DNAH8: variants seen among roughly 807,000 people sequenced by gnomAD.
DNAH8 encodes the protein dynein axonemal heavy chain 8.
A neutral mutation model predicts 562.1 loss-of-function variants in DNAH8; 382 were observed. The ratio of observed to expected loss-of-function variants is 0.68; its 90% CI spans 0.63 to 0.74. The LOEUF (loss-of-function observed/expected upper bound fraction) is 0.74. Among genes scored for constraint, DNAH8 ranks in the 30% least tolerant of loss-of-function variants. The pLI, the probability that DNAH8 is intolerant of heterozygous loss-of-function variation, is 0.00. For missense variants in DNAH8, 5,203 were observed against 5,620.4 expected (o/e 0.93, Z 2.37); for synonymous variants, 1,881 against 1,919.4 (o/e 0.98, Z 0.52).
intron 85 of DNAH8, among the ~76,000 whole-genome samples, chr6:38,978,174 C>A (rs1763799055): frequency 6.6e-6 from 1 of 151,984 alleles, no homozygotes; most frequent in Non-Finnish European, 1.5e-5. Context: ...TTTCATTTTT[C>A]TTTTTTAGCT....
intron 21 of DNAH8, among the ~76,000 whole-genome samples, chr6:38,798,085 A>G (rs1468734267): frequency 1.3e-5 from 2 of 152,168 alleles, no homozygotes; most frequent in Admixed American, 1.3e-4. Flanking sequence ...AAAAAAAAAA[A>G]AAATCAACTT....
At chr6:38,932,244 A>G (rs551933801) in intron 76 of DNAH8, among the ~76,000 whole-genome samples, 1 of 145,520 alleles carries the variant, frequency 6.9e-6, no homozygotes, top group Non-Finnish European at 1.5e-5. Flanking sequence ...CTGTCTTTAA[A>G]CTTCTAGGTG....
At chr6:38,765,878 G>A (rs1235855662) in intron 11 of DNAH8, among the ~76,000 whole-genome samples, 1 of 152,114 alleles carries the variant, frequency 6.6e-6, no homozygotes, top group Non-Finnish European at 1.5e-5. Flanking sequence ...ATGTAAATTA[G>A]TGTAGCCATT....
At chr6:38,816,908 G>T (rs1772333621) in intron 26 of DNAH8, among the ~76,000 whole-genome samples, 1 of 152,068 alleles carries the variant, frequency 6.6e-6, no homozygotes, top group South Asian at 2.1e-4. Context: ...GTCTATTCAT[G>T]TCCTTTGTCC....
At chr6:38,929,807 C>T in intron 75 of DNAH8, 141 bp downstream of exon 75, 1 of 719,566 alleles carries the variant, frequency 1.4e-6, no homozygotes, top group South Asian at 3.0e-5. Flanking sequence ...AATGCAATTT[C>T]CTTTAGGCAG....
chr6:38,999,804 T>G (rs1765360815), intron 88 of DNAH8, among the ~76,000 whole-genome samples: 4 of 151,522 alleles, frequency 2.6e-5, no homozygotes, highest in Admixed American at 2.6e-4. Flanking sequence ...TATCTATAGA[T>G]GTATTTATTA....
In DNAH8 at chr6:38,960,549, A is replaced by T. The variant is rs530038572; in HGVS notation, c.12451+9029A>T. Among the ~76,000 whole-genome samples, 13 of 152,216 alleles carry T rather than the reference A, an allele frequency of 8.5e-5. 1 individual carries two copies. The South Asian group carries it at 2.7e-3, about 32-fold the overall frequency. On this transcript the variant is annotated intron_variant, in intron 82 of 92. Transcript: ENST00000327475. ...CTGAACATAATTGGTCATCAGAGAA[A>T]TACAAATCAAAACTACAATGAGATA...
At chr6:39,023,804 T>C (rs887599447) in intron 91 of DNAH8, among the ~76,000 whole-genome samples, 6 of 152,242 alleles carry the variant, frequency 3.9e-5, no homozygotes, top group African/African-American at 1.4e-4. Context: ...CTACGTTCTC[T>C]GAACATGGGA....
intron 61 of DNAH8, 51 bp downstream of exon 61, chr6:38,898,431 G>A (rs767069571): frequency 2.8e-5 from 40 of 1,439,188 alleles, no homozygotes; most frequent in Middle Eastern, 2.4e-4. Context: ...TAAAAGCTTC[G>A]TATATTTCAT....
At chr6:38,974,228 A>C (rs2150696212) in intron 84 of DNAH8, 146 bp from the exon 85 acceptor site, 2 of 652,414 alleles carry the variant, frequency 3.1e-6, no homozygotes, top group South Asian at 4.6e-5. Flanking sequence ...ATAACAATTT[A>C]ATGCTAATAT....
intron 9 of DNAH8, among the ~76,000 whole-genome samples, chr6:38,751,622 A>AT (rs1346786572): frequency 6.6e-6 from 1 of 152,164 alleles, no homozygotes; most frequent in Non-Finnish European, 1.5e-5. Context: ...TTCTCATAAT[A>AT]TTTCCATAGA....
Position 38,924,032 on chromosome 6 carries a change from A to G in DNAH8, c.10832A>G (p.Tyr3611Cys). 1.9e-6 allele frequency: 3 copies of G among 1,613,954 alleles called. No homozygotes were observed. The highest frequency in any genetic ancestry group is 2.5e-6 in the Non-Finnish European group (3 of 1,179,914). ...CTGCTGTGCACGGGATTCCTTTCCT[A>G]CCTTGGTCCTTTCAATCAGATATTT... ...DILLCTGFLS[Y>C]LGPFNQIFRN... Residue 3611 changes from tyrosine (Y) to cysteine (C), a missense_variant, in exon 73 of 93, where the codon TAC (tyrosine) becomes TGC (cysteine). Around this residue, in one of 6 missense-constraint regions of DNAH8, gnomAD observed 1,399 missense variants for 1,518.4 expected, o/e 0.92. Coordinates refer to ENST00000327475, the MANE Select transcript of DNAH8 (RefSeq NM_001206927.2).
At position 38,863,891 on chromosome 6, in the gene DNAH8, C is replaced by T; in HGVS notation, c.6329C>T (p.Ser2110Phe). 1 of 1,599,206 alleles carries T rather than the reference C, an allele frequency of 6.3e-7. No individual in the cohort carries two copies. Among genetic ancestry groups the T allele is most frequent in the Non-Finnish European group, 8.5e-7 (1 of 1,176,518 alleles). The part of the protein sequence containing the change: ...RIFKGLAQSG[S>F]WGCFDEFNRI... Reference sequence around the variant, plus strand: ...ATGCCAGGTCTTGCACAGTCGGGTTCCTGGGGCTGTTTTGATGAGTTTAAC... The same window carrying T: ...ATGCCAGGTCTTGCACAGTCGGGTTTCTGGGGCTGTTTTGATGAGTTTAAC... Residue 2110 changes from serine to phenylalanine, a missense_variant, in exon 45 of 93, where the codon TCC (serine) becomes TTC (phenylalanine). Physicochemically the swap from Ser to Phe is radical, Grantham distance 155. Transcript: ENST00000327475.
intron 9 of DNAH8, among the ~76,000 whole-genome samples, chr6:38,753,040 A>C (rs529986590): frequency 5.5e-4 from 83 of 152,174 alleles, no homozygotes; most frequent in African/African-American, 1.8e-3. Context: ...CCAGGTAGTG[A>C]GTACAGTACA....
intron 10 of DNAH8, among the ~76,000 whole-genome samples, chr6:38,758,458 A>G (rs1458245641): frequency 6.6e-6 from 1 of 152,044 alleles, no homozygotes; most frequent in Non-Finnish European, 1.5e-5. Flanking sequence ...TAGATATACA[A>G]TCATGTCATC....
chr6:38,778,446 C>T lies in DNAH8; in HGVS notation c.2021C>T (p.Ala674Val). The T allele has an allele frequency of 6.3e-7, 1 of 1,593,604 alleles. No homozygotes were observed. The highest frequency in any genetic ancestry group is 1.1e-5 in the South Asian group (1 of 89,670). ...GGGAAAATCTTATCTTCTCAGCAGG[C>T]TCTTCAGCTACTTCAAAGGTATTCA... ...SFGKILSSQQ[A>V]LQLLQRFQKL... Residue 674 changes from alanine (A) to valine (V), a missense_variant, in exon 14 of 93, where the codon GCT becomes GTT. Around this residue, in one of 6 missense-constraint regions of DNAH8, gnomAD observed 2,176 missense variants for 2,365.1 expected, o/e 0.92. Coordinates refer to ENST00000327475, the MANE Select transcript of DNAH8 (RefSeq NM_001206927.2).
chr6:38,750,454 T>A (rs1156857932), intron 8 of DNAH8, 22 bp from the exon 9 acceptor site: 1 of 1,544,354 alleles, frequency 6.5e-7, no homozygotes, highest in African/African-American at 1.4e-5. Context: ...TTTCATAGAA[T>A]TCTTATACCT....
intron 12 of DNAH8, among the ~76,000 whole-genome samples, chr6:38,773,191 G>A (rs1767746039): frequency 1.3e-5 from 2 of 151,896 alleles, no homozygotes; most frequent in African/African-American, 4.8e-5. Flanking sequence ...GGTCTCATTG[G>A]TCAGGACAAA....
At chr6:38,778,499 G>T in intron 14 of DNAH8, 35 bp downstream of exon 14, 2 of 1,219,918 alleles carry the variant, frequency 1.6e-6, no homozygotes, top group Non-Finnish European at 2.4e-6. Context: ...TAGTTTCTGG[G>T]GGGAATAACT....
Sources: gnomAD v4.1 joint callset for allele counts (sites outside exome capture counted in the v4.1 genomes callset) on GRCh38, gnomAD v4.1.1 for gene constraint, gnomAD v4.1.1 regional missense constraint, MANE v1.5 for transcripts, NCBI Gene and HGNC (gene_info 2026-07-23, HGNC 2026-07-21) for gene names.